The following UNC5C variants were observed in gnomAD, a reference collection of about 807,000 sequenced individuals.
UNC5C encodes the protein unc-5 netrin receptor C.
A neutral mutation model predicts 99.8 loss-of-function variants in UNC5C; 47 were observed. That is an observed-to-expected ratio of 0.47 (90% CI 0.37 to 0.60). UNC5C has a LOEUF of 0.60. UNC5C is among the 20% of genes least tolerant of loss of function. UNC5C has a pLI of 0.00. For missense variants in UNC5C, 1,062 were observed against 1,165.9 expected (o/e 0.91, Z 1.30); for synonymous variants, 487 against 452.2 (o/e 1.08, Z -0.98).
In UNC5C at chr4:95,265,873, TG is replaced by T. The variant is rs1209761068; in HGVS notation, c.594+12385del. ...GTACAAATGGAGGGTGCATCCCTCC[TG>T]GGGTTGTAGGGGGATTTAAATGAGA... On this transcript the variant is annotated intron_variant, in intron 4 of 15. Coordinates refer to ENST00000453304, the MANE Select transcript of UNC5C (RefSeq NM_003728.4). Among the ~76,000 whole-genome samples, 3 of 152,192 alleles carry T rather than the reference TG, an allele frequency of 2.0e-5. No homozygotes were observed. The East Asian group carries it at 5.8e-4, about 29-fold the overall frequency.
At chr4:95,382,880 G>A (rs1429658298) in intron 1 of UNC5C, among the ~76,000 whole-genome samples, 1 of 152,136 alleles carries the variant, frequency 6.6e-6, no homozygotes, top group African/African-American at 2.4e-5. Flanking sequence ...AAATTACACT[G>A]CTACTGTGGA....
At chr4:95,517,382 A>G (rs1722244865) in intron 1 of UNC5C, among the ~76,000 whole-genome samples, 1 of 152,142 alleles carries the variant, frequency 6.6e-6, no homozygotes, top group Non-Finnish European at 1.5e-5. Context: ...ATGCATAAAT[A>G]TCGGACTACC....
At chr4:95,506,893 A>C (rs1376523626) in intron 1 of UNC5C, among the ~76,000 whole-genome samples, 1 of 150,530 alleles carries the variant, frequency 6.6e-6, no homozygotes, top group Admixed American at 6.6e-5. Flanking sequence ...TTTAAGGGTT[A>C]TTTATATTAA....
intron 1 of UNC5C, among the ~76,000 whole-genome samples, chr4:95,401,838 C>A (rs914644086): frequency 1.3e-5 from 2 of 152,122 alleles, no homozygotes; most frequent in Non-Finnish European, 2.9e-5. Flanking sequence ...CCTTTGTAAT[C>A]CCCAGATGCA....
At chr4:95,343,353 G>T (rs375134108) in intron 1 of UNC5C, among the ~76,000 whole-genome samples, 1 of 152,188 alleles carries the variant, frequency 6.6e-6, no homozygotes, top group East Asian at 1.9e-4. Context: ...GAAAGTAAGG[G>T]AAGAGACCAA....
At chr4:95,457,900 C>G (rs1436599267) in intron 1 of UNC5C, among the ~76,000 whole-genome samples, 1 of 151,242 alleles carries the variant, frequency 6.6e-6, no homozygotes, top group Non-Finnish European at 1.5e-5. Context: ...CAGCTAACAA[C>G]TTAATTTTAG....
chr4:95,219,916 C>G, intron 8 of UNC5C, 69 bp downstream of exon 8: 1 of 1,513,274 alleles, frequency 6.6e-7, no homozygotes, highest in Non-Finnish European at 9.0e-7. Flanking sequence ...TGAGATGACT[C>G]TAAAGTCATT....
chr4:95,167,041 A>G lies in UNC5C; in HGVS notation c.*2193T>C, dbSNP rs1447596014. ...ACGGAATAAAAAGCATGAAAGAAAG[A>G]AGAGGTTCCATAGCAAGGTATCAGC... On this transcript the variant is annotated 3_prime_UTR_variant, in exon 16 of 16. Transcript: ENST00000453304. The G allele has an allele frequency of 6.6e-6, 1 of 152,208 alleles. No individual in the cohort carries two copies. The highest frequency in any genetic ancestry group is 2.4e-5 in the African/African-American group (1 of 41,456). The allele number at this position is 152,208 out of a possible 1,614,324, so 9.4% of individuals were successfully genotyped here.
intron 1 of UNC5C, among the ~76,000 whole-genome samples, chr4:95,379,733 C>T (rs920300986): frequency 3.9e-5 from 6 of 152,178 alleles, no homozygotes; most frequent in Non-Finnish European, 8.8e-5. Context: ...CTTAGTTTCA[C>T]ATGGTGGTAG....
chr4:95,167,250 C>CT lies in UNC5C; in HGVS notation c.*1983dup, dbSNP rs1170892452. 1 of 152,190 alleles carries CT rather than the reference C, an allele frequency of 6.6e-6. No individual in the cohort carries two copies. The highest frequency in any genetic ancestry group is 1.9e-4 in the East Asian group (1 of 5,200). 9.4% of individuals were successfully genotyped at this position (152,190 alleles called of 1,614,324 possible). A position where few individuals can be genotyped will look rare whatever the true frequency, so the allele number is the denominator to read the frequency against. On this transcript the variant is annotated 3_prime_UTR_variant, in exon 16 of 16. Transcript: ENST00000453304. ...AGGTTCCGATTCATACACATGTCTG[C>CT]TTGTTCTTCAGTTTTGGTTTTGCTA... is the stretch of plus-strand genomic sequence containing the variant.
intron 2 of UNC5C, among the ~76,000 whole-genome samples, chr4:95,319,436 G>T (rs117133472): frequency 6.6e-6 from 1 of 152,072 alleles, no homozygotes; most frequent in Non-Finnish European, 1.5e-5. Context: ...TGAGTCCAAG[G>T]CTCCGTCATC....
intron 1 of UNC5C, among the ~76,000 whole-genome samples, chr4:95,359,497 A>G (rs1744317993): frequency 6.6e-6 from 1 of 152,006 alleles, no homozygotes; most frequent in Admixed American, 6.6e-5. Flanking sequence ...AAAAAAAAAA[A>G]AGGTGAGAGA....
chr4:95,367,176 C>T (rs573200692), intron 1 of UNC5C, among the ~76,000 whole-genome samples: 19 of 145,198 alleles, frequency 1.3e-4, no homozygotes, highest in African/African-American at 4.7e-4. Flanking sequence ...AGTCTTCTTA[C>T]TTCTCCCATT....
At chr4:95,492,487 T>C (rs1721522159) in intron 1 of UNC5C, among the ~76,000 whole-genome samples, 2 of 151,422 alleles carry the variant, frequency 1.3e-5, no homozygotes, top group African/African-American at 4.8e-5. Context: ...CCTTTGTTTT[T>C]ATGATAACCA....
chr4:95,525,935 T>C (rs552497021), intron 1 of UNC5C, among the ~76,000 whole-genome samples: 3 of 152,192 alleles, frequency 2.0e-5, no homozygotes, highest in Non-Finnish European at 4.4e-5. Context: ...AAGCCAACTG[T>C]GTTACTTTCT....
intron 7 of UNC5C, among the ~76,000 whole-genome samples, chr4:95,238,635 T>C (rs1739214260): frequency 6.6e-6 from 1 of 152,186 alleles, no homozygotes; most frequent in African/African-American, 2.4e-5. Context: ...CTTGATTACC[T>C]GAAAATCTTT....
intron 2 of UNC5C, among the ~76,000 whole-genome samples, chr4:95,334,529 C>G (rs1743257811): frequency 6.6e-6 from 1 of 151,896 alleles, no homozygotes; most frequent in Non-Finnish European, 1.5e-5. Context: ...GTTATTCTGT[C>G]TGCTGGAGAG....
intron 1 of UNC5C, among the ~76,000 whole-genome samples, chr4:95,353,372 A>C (rs1579350990): frequency 1.3e-5 from 2 of 152,026 alleles, no homozygotes; most frequent in South Asian, 4.1e-4. Context: ...AATTACCTGA[A>C]TATAATCTAA....
In UNC5C at chr4:95,219,133, A is replaced by T; in HGVS notation, c.1481T>A (p.Leu494His). The T allele has an allele frequency of 6.2e-7, 1 of 1,614,116 alleles. No homozygotes were observed. Among genetic ancestry groups the T allele is most frequent in the Non-Finnish European group, 8.5e-7 (1 of 1,180,022 alleles). ...GGACAGCTTGGACGTAAACTCAGAG[A>T]GGTCATCTTGGGGGGTGACAGCACC... ...TSGAVTPQDD[L>H]SEFTSKLSPQ... Residue 494 changes from leucine to histidine, a missense_variant, in exon 9 of 16, where the codon CTC becomes CAC. Transcript: ENST00000453304.
Sources: allele counts gnomAD v4.1 joint callset (sites outside exome capture counted in the v4.1 genomes callset), GRCh38; gene constraint gnomAD v4.1.1; transcripts MANE v1.5; gene names NCBI Gene and HGNC (gene_info 2026-07-23, HGNC 2026-07-21).